TENM2: variants seen among roughly 807,000 people sequenced by gnomAD.
TENM2 encodes the protein teneurin-2.
TENM2 carries 52 observed loss-of-function variants against 245.2 expected under a neutral mutation model. The observed-to-expected ratio is 0.21, with a 90% CI of 0.17 to 0.27. The LOEUF (loss-of-function observed/expected upper bound fraction) is 0.27, where lower values mean the gene tolerates loss of function less well. Ranked by LOEUF, TENM2 falls within the 10% of genes least tolerant of loss-of-function variation. The pLI, the probability that TENM2 is intolerant of heterozygous loss-of-function variation, is 1.00. For synonymous variants in TENM2, 1,363 were observed against 1,438.9 expected (o/e 0.95, Z 1.19); for missense variants, 3,046 against 3,666.8 (o/e 0.83, Z 4.37).
intron 2 of TENM2, among the ~76,000 whole-genome samples, chr5:167,735,562 T>C (rs941508214): frequency 1.3e-5 from 2 of 152,184 alleles, no homozygotes; most frequent in African/African-American, 4.8e-5. Context: ...TGTCTCACAC[T>C]TTGGGAGGCC....
At chr5:167,116,626 C>T in the TENM2 span, 1 of 151,958 alleles carries the variant, frequency 6.6e-6, no homozygotes, top group Admixed American at 6.5e-5. Context: ...GATATCCTGT[C>T]TCCGAATCTC....
chr5:167,084,357 A>ATATATATATATATATG, the TENM2 span, among the ~76,000 whole-genome samples: 2 of 115,716 alleles, frequency 1.7e-5, no homozygotes, highest in Non-Finnish European at 3.7e-5. Flanking sequence ...ATATATATAT[A>ATATATATATATATATG]TATATATATA....
At chr5:167,204,255 T>C in the TENM2 span, among the ~76,000 whole-genome samples, 1 of 151,568 alleles carries the variant, frequency 6.6e-6, no homozygotes, top group South Asian at 2.1e-4. Flanking sequence ...ATAAATTAGA[T>C]AACAGAAAAT....
At chr5:167,817,839 C>G (rs1006854614) in intron 2 of TENM2, among the ~76,000 whole-genome samples, 6 of 152,144 alleles carry the variant, frequency 3.9e-5, no homozygotes, top group African/African-American at 1.2e-4. Context: ...CTTGTGTGTT[C>G]CAGCCCAGCT....
chr5:168,036,418 C>T (rs973619310), intron 5 of TENM2, among the ~76,000 whole-genome samples: 1 of 151,920 alleles, frequency 6.6e-6, no homozygotes, highest in African/African-American at 2.4e-5. Flanking sequence ...AGGCGGATCA[C>T]CTGAGGTCAG....
intron 2 of TENM2, among the ~76,000 whole-genome samples, chr5:167,854,294 G>A (rs555711918): frequency 2.0e-5 from 3 of 152,264 alleles, no homozygotes; most frequent in East Asian, 1.9e-4. Context: ...CAGAGAACAA[G>A]ACCAAAATTA....
At chr5:167,336,784 T>C (rs1734036599) in intron 1 of TENM2, among the ~76,000 whole-genome samples, 1 of 151,510 alleles carries the variant, frequency 6.6e-6, no homozygotes, top group South Asian at 2.1e-4. Flanking sequence ...ATTTTCAGAT[T>C]AGGGATGCTC....
chr5:167,924,189 C>T (rs895207559), intron 3 of TENM2, among the ~76,000 whole-genome samples: 2 of 152,212 alleles, frequency 1.3e-5, no homozygotes, highest in South Asian at 2.1e-4. Context: ...TGTCTTCATG[C>T]ATATTCCTTA....
At chr5:168,185,854 A>C (rs1259729854) in intron 13 of TENM2, among the ~76,000 whole-genome samples, 2 of 147,516 alleles carry the variant, frequency 1.4e-5, no homozygotes, top group Non-Finnish European at 3.0e-5. Context: ...AAAGTGGAAG[A>C]CTTCAGGGAG....
intron 25 of TENM2, among the ~76,000 whole-genome samples, chr5:168,236,712 G>A (rs1007226791): frequency 6.6e-6 from 1 of 151,584 alleles, no homozygotes; most frequent in Non-Finnish European, 1.5e-5. Context: ...GGTCATAACT[G>A]TCTTGTTCTA....
At chr5:167,605,806 C>T (rs887913436) in intron 2 of TENM2, among the ~76,000 whole-genome samples, 1 of 152,156 alleles carries the variant, frequency 6.6e-6, no homozygotes, top group African/African-American at 2.4e-5. Context: ...TCCTCATCAT[C>T]TCCTGAAGTG....
chr5:167,398,719 C>T (rs757382601), intron 2 of TENM2, among the ~76,000 whole-genome samples: 3 of 152,088 alleles, frequency 2.0e-5, no homozygotes, highest in Admixed American at 6.6e-5. Context: ...GGATTACAGG[C>T]GTGAGGTGCT....
chr5:167,271,178 C>G, the TENM2 span, among the ~76,000 whole-genome samples: 1 of 152,128 alleles, frequency 6.6e-6, no homozygotes, highest in African/African-American at 2.4e-5. Context: ...TCTCTGCTGC[C>G]TCTCCGAAAG....
chr5:167,859,430 G>T (rs1771472681), intron 2 of TENM2, among the ~76,000 whole-genome samples: 1 of 145,714 alleles, frequency 6.9e-6, no homozygotes, highest in Non-Finnish European at 1.5e-5. Context: ...GAGGTGAGGG[G>T]CGCCTCTGCC....
At chr5:167,896,282 T>C (rs1327746453) in intron 3 of TENM2, among the ~76,000 whole-genome samples, 5 of 152,120 alleles carry the variant, frequency 3.3e-5, no homozygotes, top group African/African-American at 1.2e-4. Flanking sequence ...CGAGAAAACA[T>C]GGGGCCTTTG....
exon 8 of TENM2, chr5:168,090,649 C>G: frequency 6.2e-7 from 1 of 1,613,864 alleles, no homozygotes; most frequent in Non-Finnish European, 8.5e-7. Context: ...CCGGAGCATA[C>G]AGACCTTGGT....
chr5:167,388,937 C>T (rs982611926), intron 2 of TENM2, among the ~76,000 whole-genome samples: 3 of 151,838 alleles, frequency 2.0e-5, no homozygotes, highest in Non-Finnish European at 4.4e-5. Flanking sequence ...CTCATTCTCC[C>T]TTATGTTATC....
the TENM2 span, among the ~76,000 whole-genome samples, chr5:166,992,655 A>G: frequency 6.6e-6 from 1 of 152,204 alleles, no homozygotes; most frequent in Admixed American, 6.5e-5. Flanking sequence ...TCAATCTAAA[A>G]TGGAATCTAA....
chr5:167,648,801 G>T (rs1780144195), intron 2 of TENM2, among the ~76,000 whole-genome samples: 1 of 152,180 alleles, frequency 6.6e-6, no homozygotes, highest in Non-Finnish European at 1.5e-5. Context: ...AAATTGGTTT[G>T]AGGGACTAGG....
Sources: gnomAD v4.1 joint callset for allele counts (sites outside exome capture counted in the v4.1 genomes callset) on GRCh38, gnomAD v4.1.1 for gene constraint, MANE v1.5 for transcripts, NCBI Gene and HGNC (gene_info 2026-07-23, HGNC 2026-07-21) for gene names.